ADGRF3: variants seen among roughly 807,000 people sequenced by gnomAD.
ADGRF3 encodes G protein-coupled receptor 113.
ADGRF3 carries 85 observed loss-of-function variants against 93.2 expected under a neutral mutation model. The ratio of observed to expected loss-of-function variants is 0.91; its 90% CI spans 0.77 to 1.09. The LOEUF is 1.09. Ranked by LOEUF, ADGRF3 falls within the 50% of genes least tolerant of loss-of-function variation. The probability of loss-of-function intolerance (pLI) is 0.00; values close to 1 mark genes in which losing one functional copy is unlikely to be tolerated. For missense variants in ADGRF3, 1,125 were observed against 1,246.2 expected, an observed-to-expected ratio of 0.90 and a Z score of 1.46; for synonymous variants, 534 against 532.5, an observed-to-expected ratio of 1.00 and a Z score of -0.04.
chr2:26,341,743 C>A (rs984214239), intron 1 of ADGRF3, among the ~76,000 whole-genome samples: 5 of 152,072 alleles, frequency 3.3e-5, no homozygotes, highest in African/African-American at 1.2e-4. Flanking sequence ...AGGGACCCTC[C>A]TTTCTCAGCC....
chr2:26,336,340 G>A (rs1345156099), intron 1 of ADGRF3, among the ~76,000 whole-genome samples: 1 of 151,956 alleles, frequency 6.6e-6, no homozygotes, highest in South Asian at 2.1e-4. Flanking sequence ...GTGTGTGAGT[G>A]TGTGTTTGTA....
chr2:26,316,460 A>T lies in ADGRF3; in HGVS notation c.326-12T>A. 6.4e-7 allele frequency: 1 copy of T among 1,550,498 alleles called. No homozygotes were observed. Among genetic ancestry groups the T allele is most frequent in the Non-Finnish European group, 8.7e-7 (1 of 1,146,380 alleles). On this transcript the variant is annotated splice_polypyrimidine_tract_variant and intron_variant, in intron 3 of 13. Coordinates refer to ENST00000651242, the MANE Select transcript of ADGRF3 (RefSeq NM_001321971.2). ...GTTGACATTACACTCTGACAGAGAG[A>T]AGAGAAGAGGGGGTGGGCAGGCTGT...
Position 26,313,086 on chromosome 2 carries a change from C to G in ADGRF3, c.1306G>C (p.Val436Leu). ...GGCAGCTGTGCCAGGATCTGTGGCA[C>G]CTCCTCAGCAGGACTGCCCTGGCCT... ...QAGQGSPAEEVPQILAQLPGQ... is the reference protein window; with the variant it reads ...QAGQGSPAEELPQILAQLPGQ... The change falls in exon 9 of 14, where the codon GTG (valine) becomes CTG (leucine). Residue 436 changes from valine to leucine, a missense_variant. Physicochemically the swap from Val to Leu is conservative, Grantham distance 32. Transcript: ENST00000651242. The G allele has an allele frequency of 6.2e-7, 1 of 1,613,990 alleles. No individual in the cohort carries two copies. The highest frequency in any genetic ancestry group is 1.7e-5 in the Admixed American group (1 of 60,032).
intron 1 of ADGRF3, among the ~76,000 whole-genome samples, chr2:26,326,300 A>G (rs557220705): frequency 6.6e-6 from 1 of 152,258 alleles, no homozygotes; most frequent in East Asian, 1.9e-4. Context: ...ACCAGAATAT[A>G]TCCTTATCAG....
At chr2:26,344,219 A>C (rs1000529036) in intron 1 of ADGRF3, among the ~76,000 whole-genome samples, 3 of 152,104 alleles carry the variant, frequency 2.0e-5, no homozygotes, top group Non-Finnish European at 4.4e-5. Flanking sequence ...ATCTCGGTTC[A>C]CCGTAACCCC....
At chr2:26,341,967 G>A (rs956996166) in intron 1 of ADGRF3, among the ~76,000 whole-genome samples, 1 of 151,710 alleles carries the variant, frequency 6.6e-6, no homozygotes, top group African/African-American at 2.4e-5. Flanking sequence ...CAGCTACTTG[G>A]GAGGCTGAGG....
chr2:26,342,220 A>G (rs981051488), intron 1 of ADGRF3, among the ~76,000 whole-genome samples: 1 of 151,994 alleles, frequency 6.6e-6, no homozygotes, highest in African/African-American at 2.4e-5. Flanking sequence ...ATATATTACT[A>G]TTCTATTGTT....
chr2:26,345,951 G>C, intron 1 of ADGRF3, 170 bp downstream of exon 1: 1 of 644,430 alleles, frequency 1.6e-6, no homozygotes, highest in Non-Finnish European at 2.6e-6. Flanking sequence ...AGTGTTGCCT[G>C]ATCCACGCCG....
intron 1 of ADGRF3, among the ~76,000 whole-genome samples, chr2:26,330,096 A>AATC (rs1173712822): frequency 6.6e-6 from 1 of 152,226 alleles, no homozygotes; most frequent in Non-Finnish European, 1.5e-5. Context: ...GGCTTGGTTC[A>AATC]ATCACAAGTT....
At chr2:26,317,427 C>T in intron 2 of ADGRF3, 69 bp downstream of exon 2, 2 of 1,450,772 alleles carry the variant, frequency 1.4e-6, no homozygotes, top group Non-Finnish European at 1.9e-6. Context: ...TTTTCTGGGT[C>T]CTGGGTTTCC....
Position 26,343,499 on chromosome 2 carries a change from G to T in ADGRF3, c.114+2622C>A, listed in dbSNP as rs1007234407. On this transcript the variant is annotated intron_variant, in intron 1 of 13. Transcript: ENST00000651242. ...GTGTCACCCAGACTGGAGTGCAGTG[G>T]CGCGATCTCGGCTCACTGCAAGCTC... Among the ~76,000 whole-genome samples the T allele has an allele frequency of 2.1e-4, 32 of 152,074 alleles. 1 individual carries two copies. The highest frequency in any genetic ancestry group is 7.2e-4 in the African/African-American group (30 of 41,472).
chr2:26,342,583 C>T (rs1006045886), intron 1 of ADGRF3, among the ~76,000 whole-genome samples: 12 of 152,106 alleles, frequency 7.9e-5, no homozygotes, highest in Non-Finnish European at 1.3e-4. Flanking sequence ...GTTTCTAGCA[C>T]GAATTGATAT....
intron 1 of ADGRF3, among the ~76,000 whole-genome samples, chr2:26,321,969 CA>C (rs112854920): frequency 0.047 from 2,617 of 55,318 alleles, 31 homozygotes; most frequent in East Asian, 0.11. Flanking sequence ...TGAGACTCCT[CA>C]AAAAAAAAAA....
intron 3 of ADGRF3, 149 bp downstream of exon 3, chr2:26,316,763 G>T: frequency 1.2e-6 from 1 of 855,568 alleles, no homozygotes; most frequent in Non-Finnish European, 1.8e-6. Context: ...GTAGGGAGGT[G>T]AGGAAGGAGC....
intron 1 of ADGRF3, among the ~76,000 whole-genome samples, chr2:26,323,692 C>T (rs115368574): frequency 1.3e-5 from 2 of 149,362 alleles, no homozygotes; most frequent in South Asian, 2.1e-4. Flanking sequence ...TACAATGGTG[C>T]GATCTTGGCT....
chr2:26,322,196 C>T (rs1314511740), intron 1 of ADGRF3, among the ~76,000 whole-genome samples: 3 of 136,914 alleles, frequency 2.2e-5, no homozygotes, highest in African/African-American at 5.6e-5. Context: ...GGAGGAGAAT[C>T]GCCTGAACCT....
intron 1 of ADGRF3, among the ~76,000 whole-genome samples, chr2:26,343,140 A>G (rs1676482960): frequency 6.6e-6 from 1 of 151,104 alleles, no homozygotes; most frequent in Non-Finnish European, 1.5e-5. Flanking sequence ...TTTGACAGCT[A>G]GGATGTCACT....
In ADGRF3 at chr2:26,310,239, T is replaced by C; in HGVS notation, c.2833-2A>G. The C allele has an allele frequency of 6.2e-7, 1 of 1,613,958 alleles. No individual in the cohort carries two copies. The highest frequency in any genetic ancestry group is 8.5e-7 in the Non-Finnish European group (1 of 1,179,874). ...ACCAAACAATAGGATGAAGACGCCC[T>C]GAGAAGAGGGACATGGGGATAAGCT... is the stretch of plus-strand genomic sequence containing the variant. On this transcript the variant is annotated splice_acceptor_variant, in intron 10 of 13. Transcript: ENST00000651242. LOFTEE classifies it high-confidence loss of function.
At position 26,314,563 on chromosome 2, in the gene ADGRF3, C is replaced by A. The variant is rs1219348315; in HGVS notation, c.779G>T (p.Arg260Met). Reference sequence around the variant, plus strand: ...CACATCTGTCGCCTTCAAGGGCACCCTCACCACCTCATACAGGTTCCACTT... The same window carrying A: ...CACATCTGTCGCCTTCAAGGGCACCATCACCACCTCATACAGGTTCCACTT... The part of the protein sequence containing the change: ...GFKWNLYEVV[R>M]VPLKATDVAR... Residue 260 changes from arginine to methionine, a missense_variant, in exon 6 of 14, where the codon AGG (arginine) becomes ATG (methionine). Physicochemically the swap from Arg to Met is moderately conservative, Grantham distance 91. Transcript: ENST00000651242. 1.2e-6 allele frequency: 2 copies of A among 1,613,968 alleles called. No homozygotes were observed. Among genetic ancestry groups the A allele is most frequent in the African/African-American group, 2.7e-5 (2 of 74,954 alleles).
Sources: gnomAD v4.1 joint callset for allele counts (sites outside exome capture counted in the v4.1 genomes callset) on GRCh38, gnomAD v4.1.1 for gene constraint, MANE v1.5 for transcripts, NCBI Gene and HGNC (gene_info 2026-07-23, HGNC 2026-07-21) for gene names.